CABIN1: variants seen among roughly 807,000 people sequenced by gnomAD.
CABIN1 encodes the protein calcineurin-binding protein cabin-1.
Under a neutral mutation model 227.7 loss-of-function variants are expected in CABIN1, and 133 were observed. The observed-to-expected ratio is 0.58, with a 90% confidence interval of 0.51 to 0.67. CABIN1 has a LOEUF of 0.67. CABIN1 is among the 30% of genes least tolerant of loss of function. CABIN1 has a pLI of 0.00. For missense variants in CABIN1, 2,408 were observed against 2,852.5 expected (o/e 0.84, Z 3.55); for synonymous variants, 1,086 against 1,155.1 (o/e 0.94, Z 1.21).
At position 24,171,849 on chromosome 22, in the gene CABIN1, A is replaced by G. The variant is rs765970071; in HGVS notation, c.5894A>G (p.Lys1965Arg). 6 of 1,614,098 alleles carry G rather than the reference A, an allele frequency of 3.7e-6. No individual in the cohort carries two copies. The highest frequency in any genetic ancestry group is 3.4e-6 in the Non-Finnish European group (4 of 1,180,036). Residue 1965 changes from lysine to arginine, a missense_variant, in exon 34 of 37, where the codon AAG becomes AGG. Transcript: ENST00000263119. ...SVQRPSDAHT[K>R]PRPALAAATT... ...CAGCGGCCCAGTGATGCTCACACCA[A>G]GCCTCGCCCTGCACTAGCTGCCGCC...
chr22:24,139,338 G>T (rs886982070), intron 29 of CABIN1, among the ~76,000 whole-genome samples: 2 of 152,176 alleles, frequency 1.3e-5, no homozygotes, highest in African/African-American at 4.8e-5. Flanking sequence ...ACTTTGGTAG[G>T]CAGAGGTGGG....
At chr22:24,029,597 C>T (rs773762441) in intron 1 of CABIN1, among the ~76,000 whole-genome samples, 1 of 151,942 alleles carries the variant, frequency 6.6e-6, no homozygotes, top group Non-Finnish European at 1.5e-5. Context: ...GGGGATTATA[C>T]AGTACATGTT....
chr22:24,021,173 TTTTATTTATTTA>T (rs898942531), intron 1 of CABIN1, among the ~76,000 whole-genome samples: 8 of 151,582 alleles, frequency 5.3e-5, no homozygotes, highest in South Asian at 2.1e-4. Context: ...CTAATTTTTA[TTTTATTTATTTA>T]TTTATTTATT....
chr22:24,087,044 C>T (rs1163196696), intron 22 of CABIN1, among the ~76,000 whole-genome samples: 1 of 152,202 alleles, frequency 6.6e-6, no homozygotes, highest in Admixed American at 6.5e-5. Flanking sequence ...TTTAGCTGGA[C>T]TGCTGCTGCC....
In CABIN1 at chr22:24,176,716, G is replaced by A. The variant is rs376691951; in HGVS notation, c.6205+441G>A. Among the ~76,000 whole-genome samples the A allele has an allele frequency of 1.0e-3, 153 of 152,280 alleles. 1 individual carries two copies. In the Middle Eastern group the frequency reaches 0.034, roughly 34 times the overall value. ...ACAGGTTGGGCTGGGCCAAGCAGGC[G>A]TCCCCGTCGACAGCCACGTCAGATT... is the stretch of plus-strand genomic sequence containing the variant. On this transcript the variant is annotated intron_variant, in intron 35 of 36. Transcript: ENST00000263119.
rs2041995524 is a variant in CABIN1, at chr22:24,098,036, G to A, written c.3961G>A (p.Glu1321Lys). ...SEKEKACLVDEDSHSSAGTLP... is the reference protein window; with the variant it reads ...SEKEKACLVDKDSHSSAGTLP... ...CAGGGAGAAGGCCTGCCTGGTGGAC[G>A]AGGACTCCCACTCTTCAGCTGGGAC... Residue 1321 changes from glutamate (E) to lysine (K), a missense_variant, in exon 26 of 37, where the codon GAG (glutamate) becomes AAG (lysine). This residue lies in a region of CABIN1 where 649 missense variants were observed against 910.3 expected (regional missense o/e 0.71). Transcript: ENST00000263119. 3.1e-6 allele frequency: 5 copies of A among 1,614,174 alleles called. No individual in the cohort carries two copies. The highest frequency in any genetic ancestry group is 3.4e-6 in the Non-Finnish European group (4 of 1,180,038).
At chr22:24,073,863 C>T (rs940733025) in intron 18 of CABIN1, among the ~76,000 whole-genome samples, 1 of 152,166 alleles carries the variant, frequency 6.6e-6, no homozygotes, top group Admixed American at 6.5e-5. Flanking sequence ...AAAGCTGTTG[C>T]TCCATTTTGC....
At chr22:24,070,080 A>G (rs921414592) in intron 16 of CABIN1, among the ~76,000 whole-genome samples, 1 of 151,662 alleles carries the variant, frequency 6.6e-6, no homozygotes, top group Admixed American at 6.6e-5. Flanking sequence ...AAAAAAAAAA[A>G]GGAGCTTTGC....
At chr22:24,023,020 T>C (rs1263727894) in intron 1 of CABIN1, among the ~76,000 whole-genome samples, 1 of 152,222 alleles carries the variant, frequency 6.6e-6, no homozygotes, top group East Asian at 1.9e-4. Context: ...TGCCACTATC[T>C]ATTTCCAAAA....
intron 30 of CABIN1, 61 bp downstream of exon 30, chr22:24,164,624 C>T (rs2046345347): frequency 6.4e-7 from 1 of 1,558,950 alleles, no homozygotes; most frequent in East Asian, 2.3e-5. Flanking sequence ...CACACACACC[C>T]CAGGAAGCCT....
chr22:24,097,892 G>A lies in CABIN1; in HGVS notation c.3939-122G>A, dbSNP rs985729952. 6.3e-6 allele frequency: 8 copies of A among 1,275,934 alleles called. 1 individual carries two copies. The highest frequency in any genetic ancestry group is 2.3e-4 in the Middle Eastern group (1 of 4,348). 79.0% of individuals were successfully genotyped at this position (1,275,934 alleles called of 1,614,324 possible). A position where few individuals can be genotyped will look rare whatever the true frequency, so the allele number is the denominator to read the frequency against. On this transcript the variant is annotated intron_variant, in intron 25 of 36. Transcript: ENST00000263119. ...TCTGTGACACCAGGCAGATGGGGTG[G>A]GGGCCACCAGAGGTGCATGGGAGCA...
chr22:24,164,258 C>A, intron 29 of CABIN1, 142 bp from the exon 30 acceptor site: 1 of 969,630 alleles, frequency 1.0e-6, no homozygotes, highest in Non-Finnish European at 1.6e-6. Context: ...CTCCTTGGGA[C>A]AGTGAGAGGG....
chr22:24,173,988 GTT>G (rs201370185), intron 34 of CABIN1, among the ~76,000 whole-genome samples: 74 of 141,802 alleles, frequency 5.2e-4, no homozygotes, highest in African/African-American at 1.8e-3. Flanking sequence ...CTTGGTATGG[GTT>G]TTTTTTTTTT....
intron 12 of CABIN1, among the ~76,000 whole-genome samples, chr22:24,060,953 G>A (rs2039147694): frequency 6.6e-6 from 1 of 152,080 alleles, no homozygotes. Context: ...CTTTTGTTAC[G>A]ATGTTAGGAT....
chr22:24,059,976 C>G lies in CABIN1; in HGVS notation c.1452C>G (p.Ile484Met), dbSNP rs760127115. The change falls in exon 12 of 37, where the codon ATC becomes ATG. Residue 484 changes from isoleucine (I) to methionine (M), a missense_variant. Physicochemically the swap from Ile to Met is conservative, Grantham distance 10. Transcript: ENST00000263119. ...FLLENLTNGG[I>M]LELMMRYLKA... ...TGGAGAACCTAACCAACGGGGGCAT[C>G]CTGGAGCTGATGATGCGCTACCTGA... 1 of 1,614,220 alleles carries G rather than the reference C, an allele frequency of 6.2e-7. No individual in the cohort carries two copies. The highest frequency in any genetic ancestry group is 1.1e-5 in the South Asian group (1 of 91,084).
intron 19 of CABIN1, among the ~76,000 whole-genome samples, chr22:24,077,898 A>G (rs1213031265): frequency 1.3e-5 from 2 of 152,198 alleles, no homozygotes; most frequent in Non-Finnish European, 2.9e-5. Flanking sequence ...CTACTGGAGC[A>G]TGAATTCTAG....
chr22:24,087,669 T>C lies in CABIN1; in HGVS notation c.3481T>C (p.Leu1161=). ...CTTGCACTCATTCGCCTCACGTCAATTGAAGCAGTGGAGAGGCGAGCTGCC... is the reference window on the plus strand; with the variant it reads ...CTTGCACTCATTCGCCTCACGTCAACTGAAGCAGTGGAGAGGCGAGCTGCC... ...YALHSFASRQ[L]KQWRGELPPE... The change falls in exon 23 of 37, where the codon TTG becomes CTG. Residue 1161 remains leucine, a synonymous_variant. Transcript: ENST00000263119. 1 of 1,614,140 alleles carries C rather than the reference T, an allele frequency of 6.2e-7. No homozygotes were observed. Among genetic ancestry groups the C allele is most frequent in the Non-Finnish European group, 8.5e-7 (1 of 1,180,022 alleles).
intron 29 of CABIN1, among the ~76,000 whole-genome samples, chr22:24,151,256 G>T (rs1488257593): frequency 6.6e-6 from 1 of 152,080 alleles, no homozygotes; most frequent in African/African-American, 2.4e-5. Flanking sequence ...TGTGCAGGCC[G>T]TCCAGGGAGG....
chr22:24,135,778 G>C (rs2044358932), intron 29 of CABIN1, among the ~76,000 whole-genome samples: 1 of 152,328 alleles, frequency 6.6e-6, no homozygotes, highest in South Asian at 2.1e-4. Context: ...GCCTGAACAG[G>C]AGCTGAGGAG....
Sources: allele counts gnomAD v4.1 joint callset (sites outside exome capture counted in the v4.1 genomes callset), GRCh38; gene constraint gnomAD v4.1.1; regional missense constraint gnomAD v4.1.1; transcripts MANE v1.5; gene names NCBI Gene and HGNC (gene_info 2026-07-23, HGNC 2026-07-21).